LOC400499: variants seen among roughly 807,000 people sequenced by gnomAD.
At chr16:11,441,002 A>G in the LOC400499 span, 1 of 399,076 alleles carries the variant, frequency 2.5e-6, no homozygotes, top group East Asian at 3.6e-5. Context: ...GAGATCTGTC[A>G]TGATGCAAAC....
At chr16:11,463,947 C>T in the LOC400499 span, among the ~76,000 whole-genome samples, 2 of 151,892 alleles carry the variant, frequency 1.3e-5, no homozygotes, top group South Asian at 2.1e-4. Flanking sequence ...GACGTGTGTA[C>T]ACCACGGACA....
At chr16:11,500,697 C>A in the LOC400499 span, 3 of 397,008 alleles carry the variant, frequency 7.6e-6, no homozygotes, top group Non-Finnish European at 1.3e-5. Flanking sequence ...CTCTGCTTAT[C>A]CTACGAGGGG....
the LOC400499 span, among the ~76,000 whole-genome samples, chr16:11,454,606 AG>A: frequency 6.6e-6 from 1 of 152,242 alleles, no homozygotes; most frequent in African/African-American, 2.4e-5. Flanking sequence ...AAGGCAAGGG[AG>A]GGTTGTCCCC....
chr16:11,445,704 A>G, the LOC400499 span, among the ~76,000 whole-genome samples: 14 of 152,372 alleles, frequency 9.2e-5, no homozygotes, highest in African/African-American at 2.6e-4. Flanking sequence ...CTTTATCCCA[A>G]GAGAGGCTGT....
At chr16:11,442,264 A>G in the LOC400499 span, 81,972 of 151,718 alleles carry the variant, frequency 0.54, 22,495 homozygotes, top group South Asian at 0.64. Context: ...TCTGTCACCC[A>G]GGCTGGAGTG....
At chr16:11,391,014 T>TC in the LOC400499 span, among the ~76,000 whole-genome samples, 4 of 152,232 alleles carry the variant, frequency 2.6e-5, no homozygotes, top group Non-Finnish European at 4.4e-5. Context: ...CACTCCTGCA[T>TC]CCCCTCACTA....
the LOC400499 span, chr16:11,462,215 G>A: frequency 3.9e-6 from 6 of 1,534,472 alleles, no homozygotes; most frequent in South Asian, 3.6e-5. Context: ...GAAGACGACG[G>A]GGCTGCCCCC....
At chr16:11,493,725 G>C in the LOC400499 span, 1 of 396,576 alleles carries the variant, frequency 2.5e-6, no homozygotes, top group Non-Finnish European at 4.4e-6. Flanking sequence ...GAGATGCACA[G>C]GCACTCAACG....
At chr16:11,390,903 G>A in the LOC400499 span, among the ~76,000 whole-genome samples, 1 of 152,236 alleles carries the variant, frequency 6.6e-6, no homozygotes, top group African/African-American at 2.4e-5. Context: ...AGCTGGGACA[G>A]CTAAATGCAT....
the LOC400499 span, among the ~76,000 whole-genome samples, chr16:11,436,586 T>C: frequency 6.6e-6 from 1 of 152,062 alleles, no homozygotes; most frequent in African/African-American, 2.4e-5. Context: ...AAAAGTTTTT[T>C]TTTTTTTCTT....
chr16:11,398,666 A>ATT, the LOC400499 span, among the ~76,000 whole-genome samples: 20,502 of 147,474 alleles, frequency 0.14, 1,854 homozygotes, highest in Non-Finnish European at 0.21. Flanking sequence ...CTGCGGCAGG[A>ATT]TTTTTTTTTT....
the LOC400499 span, chr16:11,494,810 A>G: frequency 2.5e-6 from 1 of 398,682 alleles, no homozygotes; most frequent in Non-Finnish European, 4.4e-6. Flanking sequence ...AATGCACTTC[A>G]CAGGCCTCAC....
chr16:11,514,231 T>C, the LOC400499 span: 2 of 397,814 alleles, frequency 5.0e-6, no homozygotes, highest in Non-Finnish European at 8.9e-6. Flanking sequence ...ATGATAACCA[T>C]TTTCAGCAAT....
chr16:11,387,204 T>G, the LOC400499 span: 1 of 1,232,152 alleles, frequency 8.1e-7, no homozygotes, highest in Non-Finnish European at 1.0e-6. Context: ...CGCAGCAGCT[T>G]CTCCTCCATG....
At chr16:11,462,466 G>C in the LOC400499 span, 1 of 982,654 alleles carries the variant, frequency 1.0e-6, no homozygotes, top group African/African-American at 1.7e-5. Context: ...GTCTCACTTT[G>C]TCTCCCAAGC....
At chr16:11,409,469 G>C in the LOC400499 span, among the ~76,000 whole-genome samples, 1 of 152,080 alleles carries the variant, frequency 6.6e-6, no homozygotes, top group Non-Finnish European at 1.5e-5. Context: ...TGACAATTCT[G>C]AGTAGTTGTA....
chr16:11,375,574 A>T, the LOC400499 span, among the ~76,000 whole-genome samples: 18,318 of 141,648 alleles, frequency 0.13, 1,786 homozygotes, highest in Middle Eastern at 0.27. Context: ...TGGCTTCCCA[A>T]AGTGCTGGGA....
the LOC400499 span, among the ~76,000 whole-genome samples, chr16:11,482,956 A>C: frequency 1.3e-5 from 2 of 152,166 alleles, no homozygotes; most frequent in East Asian, 3.8e-4. Flanking sequence ...AAGAATTCTC[A>C]AAACTCAGTA....
the LOC400499 span, among the ~76,000 whole-genome samples, chr16:11,451,962 G>A: frequency 6.6e-6 from 1 of 152,172 alleles, no homozygotes; most frequent in East Asian, 1.9e-4. Context: ...GGAACGCACG[G>A]ATCCCTGGAG....
Sources: gnomAD v4.1 joint callset for allele counts (sites outside exome capture counted in the v4.1 genomes callset) on GRCh38, gnomAD v4.1.1 for gene constraint, MANE v1.5 for transcripts.